The following FAAH2 variants were observed in gnomAD, a reference collection of about 807,000 sequenced individuals.
FAAH2 encodes the protein fatty-acid amide hydrolase 2.
A neutral mutation model predicts 36.9 loss-of-function variants in FAAH2; 60 were observed. The observed-to-expected ratio is 1.63, with a 90% confidence interval of 1.32 to 2.02. The LOEUF is 2.02. FAAH2 is among the 30% of genes most tolerant of loss of function. FAAH2 has a pLI of 0.00. For synonymous variants in FAAH2, 214 were observed against 143.8 expected (o/e 1.49, Z -3.49); for missense variants, 689 against 397.5 (o/e 1.73, Z -6.23).
At chrX:57,374,073 T>C (rs2054612956) in intron 5 of FAAH2, among the ~76,000 whole-genome samples, 2 of 112,111 alleles carry the variant, frequency 1.8e-5, no homozygotes, top group Non-Finnish European at 3.8e-5. Context: ...CGTTGGTATA[T>C]GTGCCCATTT....
intron 3 of FAAH2, among the ~76,000 whole-genome samples, chrX:57,325,448 T>G (rs750961754): frequency 6.3e-5 from 7 of 111,627 alleles, no homozygotes; most frequent in Admixed American, 1.9e-4. Flanking sequence ...GGTAGAATTC[T>G]GCTGTGAATC....
At chrX:57,174,203 C>A in the FAAH2 span, among the ~76,000 whole-genome samples, 1 of 109,117 alleles carries the variant, frequency 9.2e-6, no homozygotes, top group Non-Finnish European at 1.9e-5. Context: ...ATCTCTCTAG[C>A]CCCGAGATTT....
the FAAH2 span, among the ~76,000 whole-genome samples, chrX:57,144,669 C>G: frequency 9.1e-6 from 1 of 110,325 alleles, no homozygotes; most frequent in East Asian, 2.8e-4. Context: ...TCCCTCAGCC[C>G]TCCCTCTCAT....
intron 2 of FAAH2, among the ~76,000 whole-genome samples, chrX:57,300,044 T>A (rs1165202215): frequency 1.8e-5 from 2 of 111,708 alleles, no homozygotes; most frequent in Non-Finnish European, 3.8e-5. Flanking sequence ...AGGTAATTTA[T>A]AGATTCAATG....
intron 8 of FAAH2, among the ~76,000 whole-genome samples, chrX:57,441,377 G>GT (rs750960959): frequency 5.1e-4 from 57 of 111,443 alleles, no homozygotes; most frequent in African/African-American, 1.6e-3. Flanking sequence ...AGATTTTCTA[G>GT]TTTTTTTGTG....
the FAAH2 span, among the ~76,000 whole-genome samples, chrX:57,273,512 T>A: frequency 9.0e-6 from 1 of 111,481 alleles, no homozygotes; most frequent in Non-Finnish European, 1.9e-5. Context: ...TAATTGGAAG[T>A]AAAACACTTC....
chrX:57,394,929 C>A (rs2055256891), intron 7 of FAAH2: 1 of 629,313 alleles, frequency 1.6e-6, no homozygotes, highest in African/African-American at 2.2e-5. Context: ...TGCCTTCTGG[C>A]AATCTGCACC....
At chrX:57,467,834 T>G (rs1040208506) in intron 10 of FAAH2, among the ~76,000 whole-genome samples, 3 of 111,928 alleles carry the variant, frequency 2.7e-5, no homozygotes, top group Non-Finnish European at 5.6e-5. Flanking sequence ...GTAGCCTAAC[T>G]GAGAGACACC....
chrX:57,368,538 G>T (rs1005786038), intron 5 of FAAH2, among the ~76,000 whole-genome samples: 1 of 111,743 alleles, frequency 8.9e-6, no homozygotes, highest in East Asian at 2.8e-4. Flanking sequence ...AACTCCCTCT[G>T]CATGTGGAGC....
chrX:57,455,124 G>T (rs184916219), intron 10 of FAAH2, among the ~76,000 whole-genome samples: 2 of 111,817 alleles, frequency 1.8e-5, no homozygotes, highest in African/African-American at 6.5e-5. Context: ...ACCTACAAGT[G>T]AGAAGAGATT....
intron 7 of FAAH2, among the ~76,000 whole-genome samples, chrX:57,383,191 C>G (rs998373467): frequency 8.9e-6 from 1 of 111,780 alleles, no homozygotes; most frequent in African/African-American, 3.3e-5. Flanking sequence ...ATAATAAGAG[C>G]TATCTATGAC....
intron 2 of FAAH2, among the ~76,000 whole-genome samples, chrX:57,294,167 T>A (rs1166190898): frequency 8.9e-6 from 1 of 112,093 alleles, no homozygotes; most frequent in East Asian, 2.8e-4. Flanking sequence ...TCTTTTATTG[T>A]TATGGTTGTT....
intron 10 of FAAH2, among the ~76,000 whole-genome samples, chrX:57,455,178 A>T (rs1462311438): frequency 8.9e-6 from 1 of 111,855 alleles, no homozygotes; most frequent in Non-Finnish European, 1.9e-5. Flanking sequence ...ATTTTCAACC[A>T]AGAATATCAT....
chrX:57,456,324 T>C (rs764546712), intron 10 of FAAH2, among the ~76,000 whole-genome samples: 1 of 111,880 alleles, frequency 8.9e-6, no homozygotes, highest in Non-Finnish European at 1.9e-5. Flanking sequence ...TTTGTAGTGC[T>C]AAACACCTTC....
chrX:57,238,736 T>C, the FAAH2 span, among the ~76,000 whole-genome samples: 1 of 112,112 alleles, frequency 8.9e-6, no homozygotes, highest in Non-Finnish European at 1.9e-5. Flanking sequence ...ATGTACAAAT[T>C]GTTCACCCAA....
At chrX:57,197,255 T>A in the FAAH2 span, among the ~76,000 whole-genome samples, 1 of 111,761 alleles carries the variant, frequency 8.9e-6, no homozygotes. Flanking sequence ...TTTCTGTAGA[T>A]TGTTTTCATC....
chrX:57,220,564 T>C, the FAAH2 span, among the ~76,000 whole-genome samples: 70 of 112,159 alleles, frequency 6.2e-4, no homozygotes, highest in African/African-American at 2.2e-3. Flanking sequence ...TAATTTAGCC[T>C]TCAAAGTCTT....
At chrX:57,133,635 T>C in the FAAH2 span, among the ~76,000 whole-genome samples, 33 of 111,848 alleles carry the variant, frequency 3.0e-4, no homozygotes, top group Admixed American at 3.0e-3. Context: ...TCATTCTGTT[T>C]CAATTTCAGG....
At chrX:57,128,119 A>T in the FAAH2 span, among the ~76,000 whole-genome samples, 1 of 111,917 alleles carries the variant, frequency 8.9e-6, no homozygotes, top group Non-Finnish European at 1.9e-5. Context: ...GACATTTCTC[A>T]TTCCATCTAT....
Sources: gnomAD v4.1 joint callset for allele counts (sites outside exome capture counted in the v4.1 genomes callset) on GRCh38, gnomAD v4.1.1 for gene constraint, MANE v1.5 for transcripts, NCBI Gene and HGNC (gene_info 2026-07-23, HGNC 2026-07-21) for gene names.